The following CNTNAP3B variants were observed in gnomAD, a reference collection of about 807,000 sequenced individuals.
CNTNAP3B encodes the protein contactin associated protein family member 3B, also known as contactin-associated protein-like 3B.
CNTNAP3B carries 25 observed loss-of-function variants against 108.9 expected under a neutral mutation model. The observed-to-expected ratio is 0.23, with a 90% CI of 0.17 to 0.32. CNTNAP3B has a LOEUF of 0.32. CNTNAP3B is among the 10% of genes least tolerant of loss of function. The probability of loss-of-function intolerance (pLI) is 1.00; values close to 1 mark genes in which losing one functional copy is unlikely to be tolerated. For missense variants in CNTNAP3B, 252 were observed against 1,210.4 expected (o/e 0.21, Z 11.75); for synonymous variants, 103 against 473.4 (o/e 0.22, Z 10.16).
chr9:41,942,766 G>C (rs1489259800), intron 13 of CNTNAP3B, among the ~76,000 whole-genome samples: 3 of 152,272 alleles, frequency 2.0e-5, no homozygotes, highest in African/African-American at 7.2e-5. Flanking sequence ...ATTTAAGACA[G>C]AGTCTCTGGG....
intron 14 of CNTNAP3B, among the ~76,000 whole-genome samples, chr9:41,932,510 T>C (rs1452128839): frequency 2.1e-5 from 3 of 146,080 alleles, no homozygotes; most frequent in Non-Finnish European, 4.5e-5. Flanking sequence ...CTTTTTAACT[T>C]TTTTTTCTTC....
intron 10 of CNTNAP3B, among the ~76,000 whole-genome samples, chr9:41,968,960 C>T (rs1825362169): frequency 6.6e-6 from 1 of 152,368 alleles, no homozygotes; most frequent in South Asian, 2.1e-4. Flanking sequence ...CCATGCCTGG[C>T]TAATTTTTTG....
Position 41,953,321 on chromosome 9 carries a change from T to C in CNTNAP3B, c.1942A>G (p.Ser648Gly), listed in dbSNP as rs370614516. 162 of 1,545,812 alleles carry C rather than the reference T, an allele frequency of 1.0e-4. 1 individual carries two copies. The East Asian group carries it at 2.7e-3, about 25-fold the overall frequency. The change falls in exon 13 of 24, where the codon AGC (serine) becomes GGC (glycine). Residue 648 changes from serine to glycine, a missense_variant. Physicochemically the swap from Ser to Gly is moderately conservative, Grantham distance 56. Coordinates refer to ENST00000377561, the MANE Select transcript of CNTNAP3B (RefSeq NM_001201380.3). ...PDAVTLRGAP[S>G]GHPLSAVSFA... ...GACACAGCCGAGAGCGGGTGCCCGC[T>C]GGGGGCACCTCGGAGGGTCACCGCG...
At chr9:41,980,699 A>G (rs1295773970) in intron 9 of CNTNAP3B, 1 of 148,206 alleles carries the variant, frequency 6.7e-6, no homozygotes, top group Non-Finnish European at 1.5e-5. Context: ...ACATCCCTTC[A>G]TGTTAAAAAC....
chr9:41,927,374 C>T (rs779941734), intron 15 of CNTNAP3B, among the ~76,000 whole-genome samples: 5 of 116,280 alleles, frequency 4.3e-5, no homozygotes, highest in Non-Finnish European at 8.7e-5. Context: ...AGAAACAGTG[C>T]AAACATACTG....
chr9:41,924,815 T>C (rs1162941399), intron 15 of CNTNAP3B, among the ~76,000 whole-genome samples: 3 of 152,292 alleles, frequency 2.0e-5, no homozygotes, highest in South Asian at 2.1e-4. Context: ...TAGTGTCCTT[T>C]ATTCTGGTAC....
intron 9 of CNTNAP3B, chr9:41,980,095 T>A (rs1008161092): frequency 1.4e-5 from 1 of 71,984 alleles, no homozygotes; most frequent in African/African-American, 7.5e-5. Context: ...TTATTATCTC[T>A]CACTTTAGAA....
At position 41,933,746 on chromosome 9, in the gene CNTNAP3B, T is replaced by C. The variant is rs1251305997; in HGVS notation, c.2238-4302A>G. On this transcript the variant is annotated intron_variant, in intron 14 of 23. Transcript: ENST00000377561. ...GTTTGTTTCTTTTCCAAACTTTTCA[T>C]CACTTACATCTATTTTATTTCCTCT... Among the ~76,000 whole-genome samples, 3 of 152,408 alleles carry C rather than the reference T, an allele frequency of 2.0e-5. No individual in the cohort carries two copies. In the East Asian group the frequency reaches 5.8e-4, roughly 29 times the overall value.
At chr9:41,942,245 G>A (rs1367913478) in intron 13 of CNTNAP3B, among the ~76,000 whole-genome samples, 9 of 152,260 alleles carry the variant, frequency 5.9e-5, no homozygotes, top group Admixed American at 3.3e-4. Context: ...GGAGGCCGAG[G>A]CGGGCAGATC....
chr9:42,053,223 G>T (rs1826991131), intron 3 of CNTNAP3B, among the ~76,000 whole-genome samples: 1 of 89,802 alleles, frequency 1.1e-5, no homozygotes, highest in Non-Finnish European at 2.3e-5. Flanking sequence ...AGTGTTCCCA[G>T]CCCCTACGCA....
rs1290354253 is a variant in CNTNAP3B at position 42,068,057 on chromosome 9, A to C, written c.390+8812T>G. Reference sequence around the variant, plus strand: ...ATCTGGGATAGCAGTAAAACAGAGGATACTGCTTGAAACAAAACTGCTTAG... The same window carrying C: ...ATCTGGGATAGCAGTAAAACAGAGGCTACTGCTTGAAACAAAACTGCTTAG... On this transcript the variant is annotated intron_variant, in intron 3 of 23. Coordinates refer to ENST00000377561, the MANE Select transcript of CNTNAP3B (RefSeq NM_001201380.3). Among the ~76,000 whole-genome samples the C allele has an allele frequency of 1.5e-5, 2 of 137,686 alleles. 1 individual carries two copies. Among genetic ancestry groups the C allele is most frequent in the African/African-American group, 5.8e-5 (2 of 34,402 alleles). The allele number at this position is 137,686 out of a possible 152,430, so 90.3% of individuals were successfully genotyped here.
At chr9:42,070,527 A>G (rs200288786) in intron 3 of CNTNAP3B, among the ~76,000 whole-genome samples, 3,606 of 87,066 alleles carry the variant, frequency 0.041, 5 homozygotes, top group African/African-American at 0.059. Flanking sequence ...ACTGGCTCAC[A>G]GCTTGGTAGC....
intron 1 of CNTNAP3B, among the ~76,000 whole-genome samples, chr9:42,110,276 A>T (rs1411089902): frequency 7.3e-6 from 1 of 136,352 alleles, no homozygotes; most frequent in Non-Finnish European, 1.6e-5. Flanking sequence ...GGGCTTCGTG[A>T]TGCTAAGCCA....
intron 4 of CNTNAP3B, 96 bp from the exon 5 acceptor site, chr9:41,998,700 CAT>C: frequency 1.7e-6 from 1 of 581,996 alleles, no homozygotes; most frequent in East Asian, 2.9e-5. Context: ...ACCACACACA[CAT>C]AGACACACAT....
intron 1 of CNTNAP3B, among the ~76,000 whole-genome samples, chr9:42,111,054 T>C (rs1265902655): frequency 7.2e-6 from 1 of 138,192 alleles, no homozygotes; most frequent in Admixed American, 7.2e-5. Flanking sequence ...CTCCATGGGG[T>C]CTGAAGGGGG....
At chr9:41,920,627 C>T (rs1823641844) in intron 17 of CNTNAP3B, among the ~76,000 whole-genome samples, 2 of 152,290 alleles carry the variant, frequency 1.3e-5, no homozygotes, top group Non-Finnish European at 2.9e-5. Flanking sequence ...TAATATAAAC[C>T]ACATCAAACA....
Position 42,056,390 on chromosome 9 carries a change from G to A in CNTNAP3B, c.390+20479C>T, listed in dbSNP as rs375166056. 4.8e-3 allele frequency among the ~76,000 whole-genome samples: 664 copies of A among 137,836 alleles called. 47 individuals are homozygous for A. Among genetic ancestry groups the A allele is most frequent in the Non-Finnish European group, 6.6e-3 (423 of 64,462 alleles). The allele number at this position is 137,836 out of a possible 152,430, so 90.4% of individuals were successfully genotyped here. A position where few individuals can be genotyped will look rare whatever the true frequency, so the allele number is the denominator to read the frequency against. ...ATTTGAGACGGAGTCTTGCTCTGTCGCCCAGGCTGGAGTGCAGTGGCGCAA... is the reference window on the plus strand; with the variant it reads ...ATTTGAGACGGAGTCTTGCTCTGTCACCCAGGCTGGAGTGCAGTGGCGCAA... On this transcript the variant is annotated intron_variant, in intron 3 of 23. Coordinates refer to ENST00000377561, the MANE Select transcript of CNTNAP3B (RefSeq NM_001201380.3).
intron 14 of CNTNAP3B, among the ~76,000 whole-genome samples, chr9:41,930,709 G>A: frequency 6.6e-6 from 1 of 152,292 alleles, no homozygotes; most frequent in East Asian, 1.9e-4. Context: ...TATGTGACTG[G>A]GAAAATAAAT....
chr9:41,922,501 G>T (rs1823697355), intron 17 of CNTNAP3B, among the ~76,000 whole-genome samples, 176 bp downstream of exon 17: 1 of 140,936 alleles, frequency 7.1e-6, no homozygotes, highest in Non-Finnish European at 1.5e-5. Context: ...ACAAACAAAA[G>T]AAATGTCACA....
Sources: gnomAD v4.1 joint callset for allele counts (sites outside exome capture counted in the v4.1 genomes callset) on GRCh38, gnomAD v4.1.1 for gene constraint, MANE v1.5 for transcripts, NCBI Gene and HGNC (gene_info 2026-07-23, HGNC 2026-07-21) for gene names.